The following NFIA variants were observed in gnomAD, a reference collection of about 807,000 sequenced individuals.
NFIA encodes nuclear factor I A, also known as nuclear factor 1 A-type.
A neutral mutation model predicts 62.8 loss-of-function variants in NFIA; 8 were observed. The ratio of observed to expected loss-of-function variants is 0.13; its 90% confidence interval spans 0.07 to 0.23. The LOEUF (loss-of-function observed/expected upper bound fraction) is 0.23. Among genes scored for constraint, NFIA ranks in the 10% least tolerant of loss-of-function variants. NFIA has a pLI of 1.00. For synonymous variants in NFIA, 235 were observed against 238.1 expected, an observed-to-expected ratio of 0.99 and a Z score of 0.12; for missense variants, 410 against 642.1, an observed-to-expected ratio of 0.64 and a Z score of 3.91.
intron 7 of NFIA, among the ~76,000 whole-genome samples, chr1:61,401,815 G>A (rs571801659): frequency 2.1e-4 from 32 of 152,206 alleles, no homozygotes; most frequent in African/African-American, 6.5e-4. Context: ...TCCATCAGAC[G>A]CAGGGTACCG....
At chr1:61,333,827 G>A (rs1289633223) in intron 4 of NFIA, among the ~76,000 whole-genome samples, 1 of 151,960 alleles carries the variant, frequency 6.6e-6, no homozygotes, top group Non-Finnish European at 1.5e-5. Context: ...GTGAAACCCC[G>A]TCTCGACTAA....
At chr1:61,453,421 A>AAT (rs1271048870) in intron 10 of NFIA, among the ~76,000 whole-genome samples, 1 of 150,430 alleles carries the variant, frequency 6.6e-6, no homozygotes, top group Non-Finnish European at 1.5e-5. Context: ...GCACATACTG[A>AAT]ATAGTAAGAT....
intron 7 of NFIA, among the ~76,000 whole-genome samples, chr1:61,387,742 G>A (rs1439037225): frequency 1.3e-5 from 2 of 152,140 alleles, no homozygotes; most frequent in Non-Finnish European, 2.9e-5. Context: ...TCAAATATTG[G>A]TTGAATGAAT....
chr1:61,434,661 ATCT>A (rs562900028), intron 10 of NFIA, among the ~76,000 whole-genome samples: 46 of 152,004 alleles, frequency 3.0e-4, no homozygotes, highest in Non-Finnish European at 6.0e-4. Flanking sequence ...GATTTGGGGG[ATCT>A]TCTTAGTTGA....
At chr1:61,358,981 T>C (rs1663135020) in intron 5 of NFIA, among the ~76,000 whole-genome samples, 166 bp from the exon 6 acceptor site, 1 of 152,220 alleles carries the variant, frequency 6.6e-6, no homozygotes, top group Non-Finnish European at 1.5e-5. Context: ...GACTTTGTTC[T>C]ACATCCAGTG....
At chr1:61,368,760 A>G (rs546144556) in intron 6 of NFIA, among the ~76,000 whole-genome samples, 2 of 152,338 alleles carry the variant, frequency 1.3e-5, no homozygotes, top group African/African-American at 4.8e-5. Flanking sequence ...GGGGGTAAAT[A>G]CTTTGAAAAC....
chr1:61,309,566 G>C lies in NFIA; in HGVS notation c.626-22946G>C, dbSNP rs148719647. Reference sequence around the variant, plus strand: ...GGCTCCAGGTTCTCATCAGTTCAAGGAGTAAAAGCAAATTCCAAAAGTATA... The same window carrying C: ...GGCTCCAGGTTCTCATCAGTTCAAGCAGTAAAAGCAAATTCCAAAAGTATA... On this transcript the variant is annotated intron_variant, in intron 3 of 10. Coordinates refer to ENST00000403491, the MANE Select transcript of NFIA (RefSeq NM_001134673.4). 1.2e-3 allele frequency among the ~76,000 whole-genome samples: 188 copies of C among 152,070 alleles called. 1 individual carries two copies. The highest frequency in any genetic ancestry group is 6.9e-3 in the Middle Eastern group (2 of 290).
chr1:61,144,192 C>T (rs1557595796), intron 2 of NFIA, among the ~76,000 whole-genome samples: 1 of 152,162 alleles, frequency 6.6e-6, no homozygotes, highest in Non-Finnish European at 1.5e-5. Flanking sequence ...ATTAGCATAA[C>T]ATGGGGACTT....
chr1:61,237,220 A>G (rs1172478308), intron 2 of NFIA, among the ~76,000 whole-genome samples: 1 of 152,230 alleles, frequency 6.6e-6, no homozygotes, highest in Non-Finnish European at 1.5e-5. Flanking sequence ...TCAAACTTAC[A>G]TAGCCATGTC....
At chr1:61,148,793 T>A (rs1221043433) in intron 2 of NFIA, among the ~76,000 whole-genome samples, 1 of 152,224 alleles carries the variant, frequency 6.6e-6, no homozygotes, top group Non-Finnish European at 1.5e-5. Context: ...AAACTATTGA[T>A]GAATTACCTT....
intron 2 of NFIA, among the ~76,000 whole-genome samples, chr1:61,207,361 G>T (rs913897008): frequency 6.6e-6 from 1 of 152,036 alleles, no homozygotes; most frequent in Non-Finnish European, 1.5e-5. Flanking sequence ...ATGATTTTTA[G>T]ATTTAAAACA....
chr1:61,393,806 A>G (rs1040317122), intron 7 of NFIA, among the ~76,000 whole-genome samples: 6 of 152,294 alleles, frequency 3.9e-5, no homozygotes, highest in Middle Eastern at 3.4e-3. Flanking sequence ...GCACTGGCCA[A>G]TGGGCTCAGC....
chr1:61,287,248 A>G (rs901227548), intron 3 of NFIA, among the ~76,000 whole-genome samples: 2 of 152,200 alleles, frequency 1.3e-5, no homozygotes, highest in African/African-American at 4.8e-5. Flanking sequence ...CATTCATAGC[A>G]TTGTTAAGGA....
At chr1:61,375,690 C>G (rs1664116518) in intron 6 of NFIA, among the ~76,000 whole-genome samples, 1 of 152,136 alleles carries the variant, frequency 6.6e-6, no homozygotes, top group South Asian at 2.1e-4. Flanking sequence ...GGCACCCTCT[C>G]TTCTCTGAGT....
chr1:61,163,456 A>C (rs1175743622), intron 2 of NFIA, among the ~76,000 whole-genome samples: 2 of 152,162 alleles, frequency 1.3e-5, no homozygotes, highest in African/African-American at 4.8e-5. Flanking sequence ...TAAAGGATTA[A>C]ACATCATGGT....
At chr1:61,352,205 C>G (rs1376338245) in intron 4 of NFIA, among the ~76,000 whole-genome samples, 1 of 152,054 alleles carries the variant, frequency 6.6e-6, no homozygotes, top group African/African-American at 2.4e-5. Flanking sequence ...ATGTTGCAAC[C>G]TTGGTGACAA....
intron 2 of NFIA, among the ~76,000 whole-genome samples, chr1:61,273,201 T>C (rs1050940807): frequency 1.3e-5 from 2 of 152,188 alleles, no homozygotes; most frequent in African/African-American, 4.8e-5. Context: ...GGCACCAGAA[T>C]ATGGTGGGTT....
intron 10 of NFIA, among the ~76,000 whole-genome samples, chr1:61,442,446 A>T (rs1342963415): frequency 6.6e-6 from 1 of 152,174 alleles, no homozygotes; most frequent in Non-Finnish European, 1.5e-5. Context: ...TAAATCAACT[A>T]TCAAATTATT....
At chr1:61,373,892 G>C (rs1664025618) in intron 6 of NFIA, among the ~76,000 whole-genome samples, 3 of 151,990 alleles carry the variant, frequency 2.0e-5, no homozygotes, top group Admixed American at 2.0e-4. Flanking sequence ...AAGTTATTTG[G>C]TATCATATCA....
Sources: gnomAD v4.1 joint callset for allele counts (sites outside exome capture counted in the v4.1 genomes callset) on GRCh38, gnomAD v4.1.1 for gene constraint, MANE v1.5 for transcripts, NCBI Gene and HGNC (gene_info 2026-07-23, HGNC 2026-07-21) for gene names.